Variants in MCPH1 observed in about 807,000 individuals in gnomAD.
MCPH1 encodes the protein microcephalin.
In MCPH1, 104 loss-of-function variants were observed where a neutral mutation model predicts 84.5. The ratio of observed to expected loss-of-function variants is 1.23; its 90% CI spans 1.05 to 1.45. The LOEUF (loss-of-function observed/expected upper bound fraction) is 1.45, where lower values mean the gene tolerates loss of function less well. Among genes scored for constraint, MCPH1 ranks in the 40% most tolerant of loss-of-function variants. The pLI is 0.00. For synonymous variants in MCPH1, 514 were observed against 366.8 expected, an observed-to-expected ratio of 1.40 and a Z score of -4.58; for missense variants, 1,498 against 1,005.7, an observed-to-expected ratio of 1.49 and a Z score of -6.62.
At chr8:6,414,691 G>A (rs960425756) in intron 2 of MCPH1, 74 bp from the exon 3 acceptor site, 20 of 1,536,170 alleles carry the variant, frequency 1.3e-5, no homozygotes, top group Non-Finnish European at 1.7e-5. Flanking sequence ...CTGGGGTAGA[G>A]GTTTTTTGAT....
At chr8:6,625,101 C>G (rs1831928878) in intron 13 of MCPH1, 2 of 798,874 alleles carry the variant, frequency 2.5e-6, no homozygotes, top group Non-Finnish European at 3.0e-6. Context: ...TCTCAAACCC[C>G]CAACCTCAAG....
chr8:6,489,118 T>C (rs1323604164), intron 11 of MCPH1, among the ~76,000 whole-genome samples: 1 of 152,154 alleles, frequency 6.6e-6, no homozygotes, highest in Non-Finnish European at 1.5e-5. Context: ...GTAGGCATAT[T>C]AGGTCTGAGA....
At chr8:6,621,027 G>C (rs563910647) in intron 12 of MCPH1, 1 of 254,648 alleles carries the variant, frequency 3.9e-6, no homozygotes, top group Non-Finnish European at 7.6e-6. Flanking sequence ...ACAGCCTGGA[G>C]CGCGCTGGAT....
intron 13 of MCPH1, among the ~76,000 whole-genome samples, chr8:6,638,144 T>G (rs1797691074): frequency 6.6e-6 from 1 of 152,172 alleles, no homozygotes; most frequent in Non-Finnish European, 1.5e-5. Flanking sequence ...TCTGGGCTCA[T>G]TATGAGAAAC....
chr8:6,473,059 G>A (rs12676922), intron 9 of MCPH1, among the ~76,000 whole-genome samples: 18,741 of 152,100 alleles, frequency 0.12, 1,274 homozygotes, highest in Middle Eastern at 0.25. Context: ...ATAAAACACA[G>A]AATCTTTGGA....
At chr8:6,624,406 C>T (rs1203051517) in intron 13 of MCPH1, among the ~76,000 whole-genome samples, 2 of 150,844 alleles carry the variant, frequency 1.3e-5, no homozygotes, top group Admixed American at 6.6e-5. Flanking sequence ...GTGTAGTGGG[C>T]GTCTCCAGCG....
rs73507162 is a variant in MCPH1 at position 6,550,535 on chromosome 8, T to G, written c.2214+50606T>G. Among the ~76,000 whole-genome samples, 387 of 152,288 alleles carry G rather than the reference T, an allele frequency of 2.5e-3. 2 individuals are homozygous for G. Among genetic ancestry groups the G allele is most frequent in the African/African-American group, 8.9e-3 (368 of 41,556 alleles). The stretch of plus-strand genomic sequence containing the variant: ...CTGGCCTGCTCACCATTTCCCAGAT[T>G]TTCCACATTTGTTCCCACTCGGGGT... On this transcript the variant is annotated intron_variant, in intron 12 of 13. Transcript: ENST00000344683.
chr8:6,407,352 A>G (rs191820712), intron 1 of MCPH1, among the ~76,000 whole-genome samples: 25 of 152,026 alleles, frequency 1.6e-4, no homozygotes, highest in Admixed American at 4.6e-4. Context: ...ACTCTCTTAT[A>G]TCATTTTACA....
intron 13 of MCPH1, among the ~76,000 whole-genome samples, chr8:6,623,013 C>CTTTTTTTTTTT (rs1164226735): frequency 1.2e-4 from 13 of 109,890 alleles, no homozygotes; most frequent in African/African-American, 2.1e-4. Flanking sequence ...GCTTTACTTT[C>CTTTTTTTTTTT]TTTTTTTTTT....
chr8:6,641,833 T>G (rs1464025303), intron 13 of MCPH1, among the ~76,000 whole-genome samples: 1 of 152,242 alleles, frequency 6.6e-6, no homozygotes, highest in Non-Finnish European at 1.5e-5. Context: ...ATAATATTGT[T>G]ATAATTATAT....
chr8:6,496,010 G>T (rs1811181495), intron 11 of MCPH1, among the ~76,000 whole-genome samples: 1 of 152,096 alleles, frequency 6.6e-6, no homozygotes, highest in Non-Finnish European at 1.5e-5. Flanking sequence ...GGGTTGGGAG[G>T]GTGAGGGAGG....
chr8:6,420,300 G>C (rs1469550158), intron 3 of MCPH1, among the ~76,000 whole-genome samples: 5 of 151,938 alleles, frequency 3.3e-5, no homozygotes, highest in African/African-American at 4.8e-5. Context: ...TCCTCTTTCT[G>C]AGACTTCTTT....
intron 8 of MCPH1, chr8:6,446,420 AATC>A: frequency 8.1e-6 from 8 of 985,392 alleles, no homozygotes; most frequent in Non-Finnish European, 9.6e-6. Flanking sequence ...TAGCGTTTGA[AATC>A]ATCACAGACA....
chr8:6,525,870 G>C (rs1253191502), intron 12 of MCPH1, among the ~76,000 whole-genome samples: 3 of 152,110 alleles, frequency 2.0e-5, no homozygotes, highest in African/African-American at 7.2e-5. Flanking sequence ...AATATGATTG[G>C]AAAAATATTT....
intron 12 of MCPH1, among the ~76,000 whole-genome samples, chr8:6,600,594 G>A (rs1430630659): frequency 1.3e-5 from 2 of 152,190 alleles, no homozygotes; most frequent in South Asian, 2.1e-4. Context: ...TCCTAGGTGG[G>A]GCAGGGACTT....
chr8:6,615,412 G>C (rs1830695012), intron 12 of MCPH1, among the ~76,000 whole-genome samples: 4 of 152,218 alleles, frequency 2.6e-5, no homozygotes, highest in Admixed American at 2.0e-4. Flanking sequence ...AATGAAATGA[G>C]TTCACTTAAC....
chr8:6,638,579 A>T (rs1373823631), intron 13 of MCPH1, among the ~76,000 whole-genome samples: 2 of 56,658 alleles, frequency 3.5e-5, no homozygotes, highest in African/African-American at 1.4e-4. Context: ...GCTTACATTT[A>T]AAAAAAAAAA....
At chr8:6,607,635 A>C (rs1277646711) in intron 12 of MCPH1, among the ~76,000 whole-genome samples, 3 of 152,190 alleles carry the variant, frequency 2.0e-5, no homozygotes, top group Non-Finnish European at 4.4e-5. Context: ...AGTGGGAGAT[A>C]ATCGAATCAT....
intron 12 of MCPH1, among the ~76,000 whole-genome samples, chr8:6,582,769 C>T (rs1446764858): frequency 2.0e-5 from 3 of 152,128 alleles, no homozygotes; most frequent in Non-Finnish European, 4.4e-5. Context: ...TCTACTGTTT[C>T]GCTTGGAAAC....
Sources: allele counts gnomAD v4.1 joint callset (sites outside exome capture counted in the v4.1 genomes callset), GRCh38; gene constraint gnomAD v4.1.1; transcripts MANE v1.5; gene names NCBI Gene and HGNC (gene_info 2026-07-23, HGNC 2026-07-21).